Variants in ZFYVE26 observed in about 807,000 individuals in gnomAD.
The protein encoded by ZFYVE26 is zinc finger FYVE domain-containing protein 26.
In ZFYVE26, 181 loss-of-function variants were observed where a neutral mutation model predicts 276.5. That is an observed-to-expected ratio of 0.65 (90% CI 0.58 to 0.74). The LOEUF (loss-of-function observed/expected upper bound fraction) is 0.74. Among genes scored for constraint, ZFYVE26 ranks in the 30% least tolerant of loss-of-function variants. The probability of loss-of-function intolerance (pLI) is 0.00; values close to 1 mark genes in which losing one functional copy is unlikely to be tolerated. For synonymous variants in ZFYVE26, 1,129 were observed against 1,203.1 expected (o/e 0.94, Z 1.27); for missense variants, 2,821 against 3,097.9 (o/e 0.91, Z 2.12).
At position 67,778,174 on chromosome 14, in the gene ZFYVE26, C is replaced by T. The variant is rs1248473079; in HGVS notation, c.4749G>A (p.Lys1583=). The T allele has an allele frequency of 6.2e-7, 1 of 1,614,172 alleles. No individual in the cohort carries two copies. Among genetic ancestry groups the T allele is most frequent in the Non-Finnish European group, 8.5e-7 (1 of 1,180,008 alleles). Residue 1583 remains lysine, a synonymous_variant, in exon 24 of 42, where the codon AAG becomes AAA. Coordinates refer to ENST00000347230, the MANE Select transcript of ZFYVE26 (RefSeq NM_015346.4). ...PREHLISLHQ[K]HLLHLLERRD... is the part of the protein sequence containing the mutation. ...TTCTTTCTAGAAGGTGGAGAAGATG[C>T]TTTTGATGAAGGCTGATTAAATGTT...
In ZFYVE26 at chr14:67,815,451, G is replaced by A. The variant is rs2040382641; in HGVS notation, c.194+319C>T. The A allele has an allele frequency of 4.7e-5, 18 of 384,890 alleles. No homozygotes were observed. In the Admixed American group the frequency reaches 5.6e-4, roughly 12 times the overall value. The allele number at this position is 384,890 out of a possible 1,614,324, so 23.8% of individuals were successfully genotyped here. Reference sequence around the variant, plus strand: ...ATCTCATAAGCAAGAAGAGAGCAGGGTTTGCTTTTTTGGAGGCAAAGAAAA... The same window carrying A: ...ATCTCATAAGCAAGAAGAGAGCAGGATTTGCTTTTTTGGAGGCAAAGAAAA... On this transcript the variant is annotated intron_variant, in intron 2 of 41. Transcript: ENST00000347230.
intron 13 of ZFYVE26, among the ~76,000 whole-genome samples, chr14:67,740,059 C>A (rs2038397779): frequency 6.6e-6 from 1 of 152,156 alleles, no homozygotes; most frequent in African/African-American, 2.4e-5. Flanking sequence ...CCTCAGTGTT[C>A]TCTATTGGAT....
intron 38 of ZFYVE26, 25 bp downstream of exon 38, chr14:67,754,046 C>T (rs1365608680): frequency 6.2e-7 from 1 of 1,614,120 alleles, no homozygotes; most frequent in South Asian, 1.1e-5. Flanking sequence ...AATAGTCTGC[C>T]AGAGGTCTGA....
chr14:67,793,476 C>A (rs1039607581), intron 14 of ZFYVE26, 132 bp downstream of exon 14: 4 of 1,004,180 alleles, frequency 4.0e-6, no homozygotes, highest in South Asian at 1.4e-5. Context: ...CACATGGAAA[C>A]CCCCTCTTGC....
rs2140258943 is a variant in ZFYVE26 at position 67,813,996 on chromosome 14, G to A, written c.263C>T (p.Ala88Val). ...VWLLVLEKWL[A>V]REKKLLPVVF... Reference sequence around the variant, plus strand: ...TATAAACCTACTTACCTTTTCCCGGGCCAACCATTTCTCCAGTACAAGAAG... The same window carrying A: ...TATAAACCTACTTACCTTTTCCCGGACCAACCATTTCTCCAGTACAAGAAG... The change falls in exon 3 of 42, where the codon GCC (alanine) becomes GTC (valine). Residue 88 changes from alanine to valine, a missense_variant. Ala to Val is a moderately conservative substitution (Grantham distance 64). Coordinates refer to ENST00000347230, the MANE Select transcript of ZFYVE26 (RefSeq NM_015346.4). 2 of 1,613,404 alleles carry A rather than the reference G, an allele frequency of 1.2e-6. No individual in the cohort carries two copies. The highest frequency in any genetic ancestry group is 2.2e-5 in the East Asian group (1 of 44,892).
At chr14:67,731,956 T>C (rs542574103) in intron 13 of ZFYVE26, among the ~76,000 whole-genome samples, 6 of 151,758 alleles carry the variant, frequency 4.0e-5, no homozygotes, top group African/African-American at 1.4e-4. Flanking sequence ...TGTAACCCCA[T>C]CTCTACTAAA....
intron 41 of ZFYVE26, among the ~76,000 whole-genome samples, chr14:67,749,955 C>G (rs1410613266): frequency 5.3e-5 from 8 of 152,230 alleles, no homozygotes; most frequent in Admixed American, 5.2e-4. Context: ...GCTCATTTAA[C>G]TGCATTAGAC....
chr14:67,744,322 C>T (rs754365352), downstream of ZFYVE26, among the ~76,000 whole-genome samples: 2 of 152,120 alleles, frequency 1.3e-5, no homozygotes, highest in Non-Finnish European at 2.9e-5. Flanking sequence ...CTTTGTGCTA[C>T]GTCTACTACC....
chr14:67,775,756 C>G, intron 26 of ZFYVE26, 104 bp downstream of exon 26: 6 of 1,560,060 alleles, frequency 3.8e-6, no homozygotes, highest in Non-Finnish European at 5.3e-6. Flanking sequence ...TTCATTCACT[C>G]TAGATCAACC....
At chr14:67,742,838 C>CTTCTTTTTTTTTTTTTTTTT (rs769663149), downstream of ZFYVE26, among the ~76,000 whole-genome samples, 5 of 89,768 alleles carry the variant, frequency 5.6e-5, no homozygotes, top group Non-Finnish European at 9.9e-5. Context: ...TCTTCTTCTT[C>CTTCTTTTTTTTTTTTTTTTT]TTTTTTTTTT....
downstream of ZFYVE26, among the ~76,000 whole-genome samples, chr14:67,742,261 A>AT (rs1307460983): frequency 2.0e-5 from 3 of 152,202 alleles, no homozygotes; most frequent in African/African-American, 7.2e-5. Flanking sequence ...TAAATGGGGA[A>AT]TTAGTGTTCA....
At chr14:67,814,118 T>A (rs1433916902) in intron 2 of ZFYVE26, 54 bp from the exon 3 acceptor site, 2 of 1,417,788 alleles carry the variant, frequency 1.4e-6, no homozygotes, top group East Asian at 4.6e-5. Flanking sequence ...TGATCTTTCA[T>A]CTTTTGTCAT....
At chr14:67,733,711 A>G in intron 13 of ZFYVE26, 1 of 1,420,304 alleles carries the variant, frequency 7.0e-7, no homozygotes. Flanking sequence ...GCTAATTCTC[A>G]TTCCTGGAAT....
Position 67,800,420 on chromosome 14 carries a change from T to A in ZFYVE26, c.1639+1659A>T, listed in dbSNP as rs978394005. On this transcript the variant is annotated intron_variant, in intron 10 of 41. Transcript: ENST00000347230. Reference sequence around the variant, plus strand: ...TTCCTTTTATAAAAGAGATATTACATCAAAACAAAGAGTGAAATCCAAACT... The same window carrying A: ...TTCCTTTTATAAAAGAGATATTACAACAAAACAAAGAGTGAAATCCAAACT... Among the ~76,000 whole-genome samples the A allele has an allele frequency of 5.9e-5, 9 of 152,148 alleles. No individual in the cohort carries two copies. In the East Asian group the frequency reaches 1.3e-3, roughly 23 times the overall value.
chr14:67,748,502 G>A lies in ZFYVE26; in HGVS notation c.7554C>T (p.Asp2518=), dbSNP rs1449957510. 3 of 1,613,796 alleles carry A rather than the reference G, an allele frequency of 1.9e-6. No individual in the cohort carries two copies. Among genetic ancestry groups the A allele is most frequent in the Middle Eastern group, 1.7e-4 (1 of 5,836 alleles). Residue 2518 remains aspartate (D), a synonymous_variant, in exon 42 of 42, where the codon GAC becomes GAT. Coordinates refer to ENST00000347230, the MANE Select transcript of ZFYVE26 (RefSeq NM_015346.4). ...AKSSGDAVVQ[D]ICAQWLLTSH... ...TTGTCAGAAGCCACTGGGCACAGAT[G>A]TCTTGCACTACTGCATCCCCGCTGC... is the stretch of plus-strand genomic sequence containing the variant.
downstream of ZFYVE26, among the ~76,000 whole-genome samples, chr14:67,745,397 C>T (rs2038469702): frequency 1.3e-5 from 2 of 151,960 alleles, no homozygotes; most frequent in African/African-American, 4.8e-5. Flanking sequence ...TGCAGAAGCT[C>T]TTCAGTCCAT....
At chr14:67,790,492 C>A in intron 15 of ZFYVE26, 80 bp downstream of exon 15, 1 of 1,473,322 alleles carries the variant, frequency 6.8e-7, no homozygotes, top group Non-Finnish European at 9.4e-7. Context: ...CATGAGGAGC[C>A]TAGGATTTTA....
chr14:67,797,611 G>A lies in ZFYVE26; in HGVS notation c.2332+61C>T, dbSNP rs760762708. 1.2e-5 allele frequency: 19 copies of A among 1,542,124 alleles called. No homozygotes were observed. In the South Asian group the frequency reaches 2.0e-4, roughly 17 times the overall value. ...TTGACCATGTGCTGTTTCTTAAAGAGTATTAGACAAGCAGCATTACACCAC... is the reference window on the plus strand; with the variant it reads ...TTGACCATGTGCTGTTTCTTAAAGAATATTAGACAAGCAGCATTACACCAC... On this transcript the variant is annotated intron_variant, in intron 12 of 41. Transcript: ENST00000347230.
intron 13 of ZFYVE26, among the ~76,000 whole-genome samples, chr14:67,732,075 C>G (rs143545860): frequency 6.8e-6 from 1 of 147,320 alleles, no homozygotes; most frequent in Non-Finnish European, 1.5e-5. Context: ...TGCAGTAAGC[C>G]GAGATCACTC....
Sources: gnomAD v4.1 joint callset for allele counts (sites outside exome capture counted in the v4.1 genomes callset) on GRCh38, gnomAD v4.1.1 for gene constraint, MANE v1.5 for transcripts, NCBI Gene and HGNC (gene_info 2026-07-23, HGNC 2026-07-21) for gene names.